The following SUPT3H variants were observed in gnomAD, a reference collection of about 807,000 sequenced individuals.
SUPT3H encodes SPT3 homolog, SAGA and STAGA complex component, also known as transcription initiation protein SPT3 homolog.
Under a neutral mutation model 44.3 loss-of-function variants are expected in SUPT3H, and 44 were observed. That is an observed-to-expected ratio of 0.99 (90% CI 0.78 to 1.28). The LOEUF is 1.28. SUPT3H is among the 50% of genes most tolerant of loss of function. The probability of loss-of-function intolerance (pLI) is 0.00; values close to 1 mark genes in which losing one functional copy is unlikely to be tolerated. For missense variants in SUPT3H, 380 were observed against 387.1 expected, an observed-to-expected ratio of 0.98 and a Z score of 0.15; for synonymous variants, 124 against 125.6, an observed-to-expected ratio of 0.99 and a Z score of 0.09.
intron 6 of SUPT3H, among the ~76,000 whole-genome samples, chr6:44,997,930 A>G (rs1781489302): frequency 6.6e-6 from 1 of 151,894 alleles, no homozygotes; most frequent in African/African-American, 2.4e-5. Flanking sequence ...TATTTGATAT[A>G]TGATAGTAAT....
At chr6:45,075,099 A>T (rs1794840680) in intron 3 of SUPT3H, among the ~76,000 whole-genome samples, 1 of 152,136 alleles carries the variant, frequency 6.6e-6, no homozygotes, top group Non-Finnish European at 1.5e-5. Flanking sequence ...AACATGGTTC[A>T]GTGCCTTTTC....
chr6:45,270,879 T>G (rs1776016208), intron 2 of SUPT3H, among the ~76,000 whole-genome samples: 2 of 152,254 alleles, frequency 1.3e-5, no homozygotes, highest in South Asian at 4.1e-4. Context: ...AACAATGAAC[T>G]CCAGGCTGAA....
At chr6:44,850,478 T>C (rs919313904) in intron 10 of SUPT3H, among the ~76,000 whole-genome samples, 1 of 152,122 alleles carries the variant, frequency 6.6e-6, no homozygotes, top group Admixed American at 6.5e-5. Context: ...TGCCACAGAA[T>C]AGCCAAAATT....
chr6:45,354,471 ATCT>A (rs1415909990), intron 2 of SUPT3H, among the ~76,000 whole-genome samples: 4 of 152,094 alleles, frequency 2.6e-5, no homozygotes, highest in Non-Finnish European at 5.9e-5. Context: ...TGCTTTTATG[ATCT>A]TCTTTTTTGC....
chr6:45,241,206 G>A (rs569863053), intron 2 of SUPT3H, among the ~76,000 whole-genome samples: 1 of 142,968 alleles, frequency 7.0e-6, no homozygotes, highest in Non-Finnish European at 1.6e-5. Flanking sequence ...TTGGGAACAG[G>A]CCCCCCCCCA....
At chr6:45,295,547 A>AAAAAAAAAAAC (rs1781036624) in intron 2 of SUPT3H, among the ~76,000 whole-genome samples, 1 of 128,348 alleles carries the variant, frequency 7.8e-6, no homozygotes, top group African/African-American at 3.0e-5. Context: ...AAAAAAAAAA[A>AAAAAAAAAAAC]AAAAAAACAG....
At chr6:45,153,111 C>T (rs1033743713) in intron 2 of SUPT3H, among the ~76,000 whole-genome samples, 1 of 152,140 alleles carries the variant, frequency 6.6e-6, no homozygotes, top group Non-Finnish European at 1.5e-5. Flanking sequence ...TCAGATTGGC[C>T]TTTCTTGGTC....
intron 3 of SUPT3H, among the ~76,000 whole-genome samples, chr6:45,055,985 A>G (rs866331351): frequency 8.5e-5 from 13 of 152,280 alleles, no homozygotes; most frequent in Middle Eastern, 3.4e-3. Context: ...CAAGAAAAAT[A>G]CAAATAATCT....
At chr6:45,061,446 G>C (rs923207073) in intron 3 of SUPT3H, among the ~76,000 whole-genome samples, 2 of 152,084 alleles carry the variant, frequency 1.3e-5, no homozygotes, top group Non-Finnish European at 2.9e-5. Flanking sequence ...CCTTTTAGAG[G>C]GGGCAGGGAG....
chr6:45,183,375 C>G (rs551984119), intron 2 of SUPT3H, among the ~76,000 whole-genome samples: 2 of 151,988 alleles, frequency 1.3e-5, no homozygotes, highest in Non-Finnish European at 2.9e-5. Flanking sequence ...TGTGTTAGTC[C>G]GTCTTCACGA....
intron 10 of SUPT3H, among the ~76,000 whole-genome samples, chr6:44,842,620 T>A (rs979070926): frequency 3.3e-5 from 5 of 152,030 alleles, no homozygotes; most frequent in East Asian, 1.9e-4. Flanking sequence ...CTATTTTTTT[T>A]TAAAAAAATG....
chr6:45,139,164 C>G (rs1804777698), intron 2 of SUPT3H, among the ~76,000 whole-genome samples: 1 of 152,024 alleles, frequency 6.6e-6, no homozygotes, highest in Non-Finnish European at 1.5e-5. Context: ...AAATTAAAAT[C>G]AAAGCTAAAG....
chr6:45,293,058 T>C (rs181082506), intron 2 of SUPT3H, among the ~76,000 whole-genome samples: 4 of 152,160 alleles, frequency 2.6e-5, no homozygotes, highest in Admixed American at 1.3e-4. Context: ...GGTGTGGAAC[T>C]TTCTCCAAGA....
At chr6:44,996,480 C>A (rs921965566) in intron 6 of SUPT3H, among the ~76,000 whole-genome samples, 2 of 151,724 alleles carry the variant, frequency 1.3e-5, no homozygotes, top group African/African-American at 4.8e-5. Flanking sequence ...ATTTAAAAGT[C>A]ACTTCCTTTG....
intron 2 of SUPT3H, among the ~76,000 whole-genome samples, chr6:45,212,320 T>A (rs931662016): frequency 2.6e-5 from 4 of 152,230 alleles, no homozygotes; most frequent in Non-Finnish European, 5.9e-5. Flanking sequence ...GTTGGAATTT[T>A]ACTTCTTTTC....
At chr6:45,256,518 A>G (rs1232669026) in intron 2 of SUPT3H, among the ~76,000 whole-genome samples, 1 of 152,150 alleles carries the variant, frequency 6.6e-6, no homozygotes, top group East Asian at 1.9e-4. Context: ...CACAACAGGA[A>G]TGAGATTTCA....
At chr6:45,260,072 T>C (rs1338996485) in intron 2 of SUPT3H, among the ~76,000 whole-genome samples, 1 of 152,180 alleles carries the variant, frequency 6.6e-6, no homozygotes, top group Admixed American at 6.5e-5. Context: ...TACCTCTGAA[T>C]GGGTACTCCT....
At chr6:44,933,901 G>A (rs1376675221) in intron 9 of SUPT3H, among the ~76,000 whole-genome samples, 1 of 152,210 alleles carries the variant, frequency 6.6e-6, no homozygotes, top group African/African-American at 2.4e-5. Context: ...TCCTGACTCA[G>A]CCTCCTGGGT....
At chr6:44,921,758 C>T (rs1768764007) in intron 10 of SUPT3H, among the ~76,000 whole-genome samples, 1 of 152,188 alleles carries the variant, frequency 6.6e-6, no homozygotes, top group Admixed American at 6.5e-5. Flanking sequence ...AACGTCTCTA[C>T]TGGAAACTGT....
Sources: allele counts gnomAD v4.1 joint callset (sites outside exome capture counted in the v4.1 genomes callset), GRCh38; gene constraint gnomAD v4.1.1; transcripts MANE v1.5; gene names NCBI Gene and HGNC (gene_info 2026-07-23, HGNC 2026-07-21).